LZTFL1: variants seen among roughly 807,000 people sequenced by gnomAD.
LZTFL1 encodes the protein leucine zipper transcription factor-like protein 1.
A neutral mutation model predicts 45.9 loss-of-function variants in LZTFL1; 25 were observed. That is an observed-to-expected ratio of 0.54 (90% CI 0.40 to 0.76). The LOEUF (loss-of-function observed/expected upper bound fraction) is 0.76, where lower values mean the gene tolerates loss of function less well. Among genes scored for constraint, LZTFL1 ranks in the 30% least tolerant of loss-of-function variants. The pLI is 0.00. For synonymous variants in LZTFL1, 93 were observed against 117.4 expected (o/e 0.79, Z 1.35); for missense variants, 277 against 331.1 (o/e 0.84, Z 1.27).
At chr3:45,889,867 A>G (rs1015052307) in intron 2 of LZTFL1, among the ~76,000 whole-genome samples, 6 of 151,632 alleles carry the variant, frequency 4.0e-5, no homozygotes, top group African/African-American at 1.5e-4. Flanking sequence ...TTGTTTTCCA[A>G]TTTTTGTTCT....
chr3:45,858,123 G>A (rs952287), intron 3 of LZTFL1, among the ~76,000 whole-genome samples: 109,440 of 152,018 alleles, frequency 0.72, 39,604 homozygotes, highest in South Asian at 0.91. Context: ...TTTCAAGAAG[G>A]AAAATCCTGT....
At chr3:45,898,803 T>G (rs1702452459) in intron 2 of LZTFL1, among the ~76,000 whole-genome samples, 1 of 152,264 alleles carries the variant, frequency 6.6e-6, no homozygotes, top group Admixed American at 6.5e-5. Flanking sequence ...TAGAAAACAT[T>G]GTTAAACAAA....
chr3:45,873,975 A>G (rs1701709834), intron 2 of LZTFL1, among the ~76,000 whole-genome samples: 2 of 151,976 alleles, frequency 1.3e-5, no homozygotes, highest in South Asian at 4.1e-4. Context: ...TTCCTCCATC[A>G]CATGTGCACA....
At chr3:45,912,820 A>T (rs1195380026) in intron 2 of LZTFL1, among the ~76,000 whole-genome samples, 1 of 152,226 alleles carries the variant, frequency 6.6e-6, no homozygotes, top group Non-Finnish European at 1.5e-5. Flanking sequence ...ATTCGTGAGC[A>T]AAATAAATCT....
chr3:45,905,071 A>G (rs1308626396), intron 2 of LZTFL1, among the ~76,000 whole-genome samples: 1 of 152,198 alleles, frequency 6.6e-6, no homozygotes, highest in Admixed American at 6.5e-5. Context: ...AGAAGTAATC[A>G]TGGGCTCCAG....
chr3:45,829,290 T>C (rs1700751217), intron 7 of LZTFL1, among the ~76,000 whole-genome samples: 1 of 152,012 alleles, frequency 6.6e-6, no homozygotes, highest in Admixed American at 6.6e-5. Context: ...TGGTCTACAA[T>C]TGGTTAATAT....
chr3:45,838,652 T>C (rs1701026031), intron 1 of LZTFL1, among the ~76,000 whole-genome samples: 2 of 152,238 alleles, frequency 1.3e-5, no homozygotes, highest in South Asian at 4.1e-4. Context: ...TTAAACCAGA[T>C]GACAGCTTGA....
chr3:45,852,855 T>G lies in LZTFL1; in HGVS notation c.-49+2131A>C, dbSNP rs970951051. Among the ~76,000 whole-genome samples the G allele has an allele frequency of 9.8e-5, 15 of 152,330 alleles. No individual in the cohort carries two copies. In the East Asian group the frequency reaches 2.9e-3, roughly 29 times the overall value. On this transcript the variant is annotated intron_variant, in intron 4 of 4. Transcript: ENST00000472635. ...TGTGCTCACCCCAATCAAGGCACCT[T>G]CTTTCTAAGAGCCAGTATTTATTTC...
At chr3:45,855,900 A>G (rs1021551932) in intron 3 of LZTFL1, among the ~76,000 whole-genome samples, 1 of 152,224 alleles carries the variant, frequency 6.6e-6, no homozygotes, top group Non-Finnish European at 1.5e-5. Flanking sequence ...GAAATCAGAG[A>G]GGACACAAAC....
At chr3:45,907,438 C>T (rs62245102) in intron 2 of LZTFL1, among the ~76,000 whole-genome samples, 42,052 of 152,162 alleles carry the variant, frequency 0.28, 7,977 homozygotes, top group African/African-American at 0.54. Context: ...AGGAACCTGT[C>T]TCTTCCTGCA....
intron 2 of LZTFL1, among the ~76,000 whole-genome samples, chr3:45,891,455 T>C (rs1476932276): frequency 1.3e-5 from 2 of 152,210 alleles, no homozygotes; most frequent in Non-Finnish European, 1.5e-5. Flanking sequence ...ACATATGTTT[T>C]CATTAATTTT....
intron 1 of LZTFL1, among the ~76,000 whole-genome samples, chr3:45,839,199 C>G (rs573142408): frequency 6.6e-6 from 1 of 152,268 alleles, no homozygotes; most frequent in Admixed American, 6.5e-5. Context: ...TGCCATTCTC[C>G]TGCCTCAGGC....
intron 2 of LZTFL1, among the ~76,000 whole-genome samples, chr3:45,910,558 C>T (rs1702776235): frequency 6.6e-6 from 1 of 152,088 alleles, no homozygotes; most frequent in Non-Finnish European, 1.5e-5. Flanking sequence ...ATCAACAAGG[C>T]AGACTGTGAT....
chr3:45,906,018 C>CAT (rs2125768771), intron 2 of LZTFL1, among the ~76,000 whole-genome samples: 1 of 152,316 alleles, frequency 6.6e-6, no homozygotes, highest in East Asian at 1.9e-4. Flanking sequence ...CCTCCAAAGG[C>CAT]ATTGATTCCT....
At chr3:45,845,629 C>T (rs894343033), upstream of LZTFL1, among the ~76,000 whole-genome samples, 1 of 152,182 alleles carries the variant, frequency 6.6e-6, no homozygotes, top group African/African-American at 2.4e-5. Flanking sequence ...AAGGATGGAG[C>T]ACCTTTAAGA....
intron 4 of LZTFL1, among the ~76,000 whole-genome samples, chr3:45,851,596 C>T (rs1429826718): frequency 6.6e-6 from 1 of 152,270 alleles, no homozygotes; most frequent in African/African-American, 2.4e-5. Context: ...TCTCTTTGGT[C>T]TCAAGTCAAA....
intron 2 of LZTFL1, among the ~76,000 whole-genome samples, chr3:45,866,273 T>C (rs932551343): frequency 3.9e-5 from 6 of 152,214 alleles, no homozygotes; most frequent in Admixed American, 3.9e-4. Context: ...ACTTTAAACA[T>C]GTAGTTTATA....
At chr3:45,904,083 C>G (rs1356383179) in intron 2 of LZTFL1, among the ~76,000 whole-genome samples, 1 of 152,144 alleles carries the variant, frequency 6.6e-6, no homozygotes, top group Admixed American at 6.5e-5. Flanking sequence ...AATTATGGAG[C>G]CTTCCCAGGT....
chr3:45,855,029 C>A, exon 4 of LZTFL1: 1 of 1,535,312 alleles, frequency 6.5e-7, no homozygotes, highest in Non-Finnish European at 8.7e-7. Flanking sequence ...GGAAAAGTCA[C>A]CAAAGGGTGG....
Sources: allele counts gnomAD v4.1 joint callset (sites outside exome capture counted in the v4.1 genomes callset), GRCh38; gene constraint gnomAD v4.1.1; transcripts MANE v1.5; gene names NCBI Gene and HGNC (gene_info 2026-07-23, HGNC 2026-07-21).